MGA: variants seen among roughly 807,000 people sequenced by gnomAD.
MGA encodes MAX dimerization protein MGA.
A neutral mutation model predicts 261.1 loss-of-function variants in MGA; 40 were observed. The observed-to-expected ratio is 0.15, with a 90% confidence interval of 0.12 to 0.20. The LOEUF is 0.20. Ranked by LOEUF, MGA falls within the 10% of genes least tolerant of loss-of-function variation. MGA has a pLI of 1.00. For synonymous variants in MGA, 1,302 were observed against 1,290.6 expected (o/e 1.01, Z -0.19); for missense variants, 3,397 against 3,630.5 (o/e 0.94, Z 1.65).
chr15:41,649,668 CTTGTTTGTTTGT>C (rs200184779), intron 1 of MGA, among the ~76,000 whole-genome samples: 2 of 151,700 alleles, frequency 1.3e-5, no homozygotes, highest in African/African-American at 4.8e-5. Context: ...TCCACACCAT[CTTGTTTGTTTGT>C]TTGTTTGTTT....
chr15:41,676,694 A>T (rs1379159556), intron 2 of MGA, among the ~76,000 whole-genome samples: 1 of 152,214 alleles, frequency 6.6e-6, no homozygotes. Context: ...ATAATGCTTC[A>T]GTAAAATTTC....
At chr15:41,673,618 A>G (rs1037313858) in intron 2 of MGA, among the ~76,000 whole-genome samples, 5 of 124,286 alleles carry the variant, frequency 4.0e-5, no homozygotes, top group Admixed American at 1.6e-4. Context: ...TCTCGGTTCA[A>G]TGCAACCTCT....
At chr15:41,700,563 A>G (rs2059796903) in intron 5 of MGA, among the ~76,000 whole-genome samples, 1 of 152,158 alleles carries the variant, frequency 6.6e-6, no homozygotes, top group African/African-American at 2.4e-5. Context: ...TGTCCCTGCA[A>G]AGGGCATGAA....
rs76029773 is a variant in MGA, at chr15:41,713,183, C to A, written c.3117C>A (p.Ile1039=). The change falls in exon 9 of 24, where the codon ATC becomes ATA. Residue 1039 remains isoleucine (I), a synonymous_variant. Coordinates refer to ENST00000219905, the MANE Select transcript of MGA (RefSeq NM_001164273.2). ...TCAAAACTAAACCTATCCACACAAT[C>A]ATAAGGAAACGAGCCCCTCCCTGCA... The A allele has an allele frequency of 1.9e-6, 3 of 1,613,692 alleles. No homozygotes were observed. The East Asian group carries it at 6.7e-5, about 36-fold the overall frequency.
At position 41,760,042 on chromosome 15, in the gene MGA, G is replaced by C. The variant is rs866785808; in HGVS notation, c.7192-281G>C. 6 of 333,694 alleles carry C rather than the reference G, an allele frequency of 1.8e-5. No individual in the cohort carries two copies. The East Asian group carries it at 3.1e-4, about 17-fold the overall frequency. The allele number at this position is 333,694 out of a possible 1,614,324, so 20.7% of individuals were successfully genotyped here. A position where few individuals can be genotyped will look rare whatever the true frequency, so the allele number is the denominator to read the frequency against. On this transcript the variant is annotated intron_variant, in intron 19 of 23. Coordinates refer to ENST00000219905, the MANE Select transcript of MGA (RefSeq NM_001164273.2). ...ACTTAAGCTCTTTCAGATCTCGTACGCCTGTAACATATACAATTTCTTCCT... is the reference window on the plus strand; with the variant it reads ...ACTTAAGCTCTTTCAGATCTCGTACCCCTGTAACATATACAATTTCTTCCT...
intron 7 of MGA, among the ~76,000 whole-genome samples, chr15:41,709,210 G>A (rs2060263323): frequency 6.6e-6 from 1 of 151,960 alleles, no homozygotes; most frequent in Non-Finnish European, 1.5e-5. Context: ...AGCCAGATGT[G>A]GTGGCGCATT....
At chr15:41,656,955 C>T (rs2057215541), upstream of MGA, among the ~76,000 whole-genome samples, 1 of 151,962 alleles carries the variant, frequency 6.6e-6, no homozygotes, top group Non-Finnish European at 1.5e-5. Flanking sequence ...TAATATTTTG[C>T]AGAGATGGGT....
intron 9 of MGA, among the ~76,000 whole-genome samples, chr15:41,722,472 T>G (rs1346621435): frequency 6.6e-6 from 1 of 152,076 alleles, no homozygotes; most frequent in African/African-American, 2.4e-5. Flanking sequence ...TGTTATACTT[T>G]GACATTCAAA....
Position 41,749,427 on chromosome 15 carries a change from G to T in MGA, c.5820G>T (p.Gln1940His), listed in dbSNP as rs1287146222. ...GTACAGCCAGTCTTATTCCTCTCCAGTCTGGTAGTTTTGCCTTGTTACAGC... is the reference window on the plus strand; with the variant it reads ...GTACAGCCAGTCTTATTCCTCTCCATTCTGGTAGTTTTGCCTTGTTACAGC... Residue 1940 changes from glutamine to histidine, a missense_variant, in exon 17 of 24, where the codon CAG (glutamine) becomes CAT (histidine). Physicochemically the swap from Gln to His is conservative, Grantham distance 24. This residue lies in a region of MGA where 1,410 missense variants were observed against 1,386.4 expected (regional missense o/e 1.02). Coordinates refer to ENST00000219905, the MANE Select transcript of MGA (RefSeq NM_001164273.2). 6.2e-7 allele frequency: 1 copy of T among 1,613,874 alleles called. No individual in the cohort carries two copies. Among genetic ancestry groups the T allele is most frequent in the Non-Finnish European group, 8.5e-7 (1 of 1,179,908 alleles).
At chr15:41,653,879 C>T (rs944532906) in intron 1 of MGA, among the ~76,000 whole-genome samples, 1 of 152,030 alleles carries the variant, frequency 6.6e-6, no homozygotes, top group African/African-American at 2.4e-5. Flanking sequence ...ACAGTTTTTC[C>T]TAGTTATGTG....
chr15:41,752,705 A>G (rs553228096), intron 17 of MGA, among the ~76,000 whole-genome samples: 1 of 151,942 alleles, frequency 6.6e-6, no homozygotes, highest in African/African-American at 2.4e-5. Context: ...ACAGGTGGGC[A>G]CCACCATGCC....
chr15:41,642,800 G>A (rs1355915816), intron 1 of MGA, among the ~76,000 whole-genome samples: 2 of 151,610 alleles, frequency 1.3e-5, no homozygotes, highest in Non-Finnish European at 2.9e-5. Flanking sequence ...AGTAGAGATG[G>A]GGTTTCACCG....
At chr15:41,683,558 T>C (rs1284311907) in intron 2 of MGA, among the ~76,000 whole-genome samples, 1 of 151,504 alleles carries the variant, frequency 6.6e-6, no homozygotes, top group Non-Finnish European at 1.5e-5. Flanking sequence ...AGTTCTTTGT[T>C]CTATTAATGA....
At chr15:41,757,340 C>T (rs1015123220) in intron 18 of MGA, among the ~76,000 whole-genome samples, 19 of 152,090 alleles carry the variant, frequency 1.2e-4, no homozygotes, top group Admixed American at 6.6e-5. Flanking sequence ...TCATTATTCC[C>T]TAAACAATAC....
At chr15:41,705,980 T>C (rs972747511) in intron 5 of MGA, among the ~76,000 whole-genome samples, 1 of 152,202 alleles carries the variant, frequency 6.6e-6, no homozygotes, top group African/African-American at 2.4e-5. Context: ...GGCTCAGGCC[T>C]GTAATCCCAG....
At chr15:41,672,558 ATC>A (rs1370558674) in intron 2 of MGA, among the ~76,000 whole-genome samples, 1 of 152,200 alleles carries the variant, frequency 6.6e-6, no homozygotes, top group Non-Finnish European at 1.5e-5. Flanking sequence ...AACGTATAGT[ATC>A]TCTGTCACTA....
chr15:41,730,831 A>G (rs746344730), intron 11 of MGA, among the ~76,000 whole-genome samples: 2 of 152,210 alleles, frequency 1.3e-5, no homozygotes, highest in Non-Finnish European at 2.9e-5. Context: ...TAAGAAGCCA[A>G]TAGTTGCAGC....
intron 17 of MGA, chr15:41,751,121 T>C (rs1433892447): frequency 6.6e-6 from 1 of 152,326 alleles, no homozygotes; most frequent in Non-Finnish European, 1.5e-5. Context: ...TGCTTTTATA[T>C]CCAAAAATTA....
At chr15:41,622,982 A>G (rs1004130785) in intron 1 of MGA, among the ~76,000 whole-genome samples, 4 of 152,236 alleles carry the variant, frequency 2.6e-5, no homozygotes, top group African/African-American at 9.6e-5. Context: ...TTGAGTAATT[A>G]TAATAGTTAT....
Sources: gnomAD v4.1 joint callset for allele counts (sites outside exome capture counted in the v4.1 genomes callset) on GRCh38, gnomAD v4.1.1 for gene constraint, gnomAD v4.1.1 regional missense constraint, MANE v1.5 for transcripts, NCBI Gene and HGNC (gene_info 2026-07-23, HGNC 2026-07-21) for gene names.